Variants in MAGED1 observed in about 807,000 individuals in gnomAD.
The protein encoded by MAGED1 is MAGE family member D1.
Under a neutral mutation model 54.1 loss-of-function variants are expected in MAGED1, and 3 were observed. That is an observed-to-expected ratio of 0.06 (90% CI 0.03 to 0.14). The LOEUF (loss-of-function observed/expected upper bound fraction) is 0.14. Ranked by LOEUF, MAGED1 falls within the 10% of genes least tolerant of loss-of-function variation. MAGED1 has a pLI of 1.00. For synonymous variants in MAGED1, 217 were observed against 227.3 expected, an observed-to-expected ratio of 0.95 and a Z score of 0.41; for missense variants, 485 against 623.4, an observed-to-expected ratio of 0.78 and a Z score of 2.36.
At position 51,895,650 on chromosome X, in the gene MAGED1, G is replaced by C. The variant is rs781817508; in HGVS notation, c.643G>C (p.Asp215His). 4 of 1,208,993 alleles carry C rather than the reference G, an allele frequency of 3.3e-6. No individual in the cohort carries two copies. The highest frequency in any genetic ancestry group is 4.5e-6 in the Non-Finnish European group (4 of 893,989). Residue 215 changes from aspartate to histidine, a missense_variant, in exon 3 of 13, where the codon GAC becomes CAC. Physicochemically the swap from Asp to His is moderately conservative, Grantham distance 81. Coordinates refer to ENST00000326587, the MANE Select transcript of MAGED1 (RefSeq NM_006986.4). ...CACTTCCCAGGCTGACATAGAGACC[G>C]ACCCAGGTATCTCTGAACCTGACGG... The part of the protein sequence containing the change: ...MATSQADIET[D>H]PGISEPDGAT...
At chrX:51,814,053 A>G (rs1557355806) in intron 1 of MAGED1, among the ~76,000 whole-genome samples, 2 of 111,458 alleles carry the variant, frequency 1.8e-5, no homozygotes, top group Non-Finnish European at 3.8e-5. Flanking sequence ...CATGTCTATG[A>G]CTAGCTGGTT....
At position 51,895,317 on chromosome X, in the gene MAGED1, C is replaced by T. The variant is rs1260887186; in HGVS notation, c.310C>T (p.Pro104Ser). The change falls in exon 3 of 13, where the codon CCC (proline) becomes TCC (serine). Residue 104 changes from proline to serine, a missense_variant. Around this residue, in one of 2 missense-constraint regions of MAGED1, gnomAD observed 299 missense variants for 293.1 expected, o/e 1.02. Coordinates refer to ENST00000326587, the MANE Select transcript of MAGED1 (RefSeq NM_006986.4). Reference protein sequence around the residue: ...FSQAHNAKDVPNTQPKAAFKS... With the variant: ...FSQAHNAKDVSNTQPKAAFKS... The stretch of plus-strand genomic sequence containing the variant: ...TCAGGCTCATAATGCCAAGGATGTG[C>T]CCAACACGCAGCCCAAGGCAGCCTT... 1.7e-6 allele frequency: 2 copies of T among 1,209,358 alleles called. No homozygotes were observed. Among genetic ancestry groups the T allele is most frequent in the Non-Finnish European group, 2.2e-6 (2 of 894,827 alleles).
At chrX:51,821,716 T>C (rs1557356545) in intron 1 of MAGED1, among the ~76,000 whole-genome samples, 1 of 111,684 alleles carries the variant, frequency 9.0e-6, no homozygotes, top group Non-Finnish European at 1.9e-5. Context: ...AAGTATGGTG[T>C]TTCTGTGACT....
chrX:51,836,081 C>T (rs147580736), intron 1 of MAGED1, among the ~76,000 whole-genome samples: 1,321 of 111,780 alleles, frequency 0.012, 23 homozygotes, highest in African/African-American at 0.04. Flanking sequence ...GTCTTTGTTA[C>T]AGTTTTCCAT....
At chrX:51,897,374 T>A (rs1477591033) in intron 5 of MAGED1, 103 bp downstream of exon 5, 2 of 851,219 alleles carry the variant, frequency 2.3e-6, no homozygotes, top group Non-Finnish European at 3.4e-6. Context: ...CACTCCATGC[T>A]CTGTCGGCAT....
At chrX:51,828,184 A>G (rs1395718574) in intron 1 of MAGED1, among the ~76,000 whole-genome samples, 5 of 111,344 alleles carry the variant, frequency 4.5e-5, no homozygotes, top group African/African-American at 1.6e-4. Flanking sequence ...TTCACAGTAC[A>G]CATTTTTAAT....
At chrX:51,840,891 A>G (rs1443315447) in intron 1 of MAGED1, among the ~76,000 whole-genome samples, 1 of 110,781 alleles carries the variant, frequency 9.0e-6, no homozygotes, top group Non-Finnish European at 1.9e-5. Context: ...GCTGCAATAA[A>G]CATACATGTG....
At chrX:51,832,963 T>C (rs888606092) in intron 1 of MAGED1, among the ~76,000 whole-genome samples, 18 of 111,685 alleles carry the variant, frequency 1.6e-4, no homozygotes, top group African/African-American at 5.8e-4. Context: ...TATTGGAAAA[T>C]TTCAGCACCA....
chrX:51,880,035 C>A (rs1225272306), intron 1 of MAGED1, among the ~76,000 whole-genome samples: 1 of 112,799 alleles, frequency 8.9e-6, no homozygotes. Context: ...GACAAGACTA[C>A]AAAATAGAAT....
intron 1 of MAGED1, among the ~76,000 whole-genome samples, chrX:51,806,997 C>T (rs909652380): frequency 1.8e-5 from 2 of 110,809 alleles, no homozygotes; most frequent in Non-Finnish European, 3.8e-5. Context: ...CCATGTTGGC[C>T]AGGCTGGTCT....
chrX:51,841,080 A>G (rs1557358496), intron 1 of MAGED1, among the ~76,000 whole-genome samples: 2 of 104,462 alleles, frequency 1.9e-5, no homozygotes, highest in Non-Finnish European at 3.9e-5. Context: ...ATTTCTCCAC[A>G]TCCTCTCCAG....
chrX:51,867,285 T>A (rs1557361161), intron 1 of MAGED1, among the ~76,000 whole-genome samples: 1 of 111,871 alleles, frequency 8.9e-6, no homozygotes, highest in Admixed American at 9.5e-5. Context: ...CCAAGCTGTA[T>A]TAGTCAGGGT....
upstream of MAGED1, among the ~76,000 whole-genome samples, chrX:51,893,081 C>T (rs1184662918): frequency 9.1e-6 from 1 of 110,180 alleles, no homozygotes; most frequent in African/African-American, 3.3e-5. Flanking sequence ...TGGGGGCGGG[C>T]AGGGGGTGAG....
At chrX:51,894,741 C>G (rs1928640050) in intron 2 of MAGED1, 1 of 1,155,569 alleles carries the variant, frequency 8.7e-7, no homozygotes, top group Admixed American at 3.0e-5. Context: ...ACTCCGCGAT[C>G]CGCCTGCCGT....
chrX:51,879,051 C>A (rs1557362266), intron 1 of MAGED1, among the ~76,000 whole-genome samples: 1 of 111,903 alleles, frequency 8.9e-6, no homozygotes, highest in Non-Finnish European at 1.9e-5. Context: ...CATGTAATAA[C>A]TTATTCCATC....
intron 1 of MAGED1, among the ~76,000 whole-genome samples, chrX:51,853,057 G>A (rs1389912801): frequency 9.0e-6 from 1 of 110,861 alleles, no homozygotes; most frequent in Non-Finnish European, 1.9e-5. Flanking sequence ...GTATCTTCCT[G>A]CTGAGCTCAG....
At chrX:51,882,383 A>T (rs1362853350) in intron 1 of MAGED1, among the ~76,000 whole-genome samples, 1 of 111,779 alleles carries the variant, frequency 8.9e-6, no homozygotes, top group Non-Finnish European at 1.9e-5. Context: ...TTCCAGAAAG[A>T]AGTAGTAAAC....
At chrX:51,894,154 G>A (rs1473902364) in intron 1 of MAGED1, 115 bp from the exon 2 acceptor site, 2 of 462,706 alleles carry the variant, frequency 4.3e-6, no homozygotes, top group African/African-American at 4.9e-5. Context: ...GCTCCGATCC[G>A]TTCCTCCTCA....
chrX:51,870,935 CATG>C (rs1557361483), intron 1 of MAGED1: 1 of 112,696 alleles, frequency 8.9e-6, no homozygotes, highest in Non-Finnish European at 1.9e-5. Context: ...ATTAATAAAA[CATG>C]ATCATGATAA....
Sources: allele counts gnomAD v4.1 joint callset (sites outside exome capture counted in the v4.1 genomes callset), GRCh38; gene constraint gnomAD v4.1.1; regional missense constraint gnomAD v4.1.1; transcripts MANE v1.5; gene names NCBI Gene and HGNC (gene_info 2026-07-23, HGNC 2026-07-21).